Variants in ADCY2 observed in about 807,000 individuals in gnomAD.
ADCY2 encodes the protein adenylate cyclase type 2.
A neutral mutation model predicts 125.2 loss-of-function variants in ADCY2; 31 were observed. That is an observed-to-expected ratio of 0.25 (90% confidence interval 0.19 to 0.33). The LOEUF is 0.33. Ranked by LOEUF, ADCY2 falls within the 10% of genes least tolerant of loss-of-function variation. The probability of loss-of-function intolerance (pLI) is 1.00; values close to 1 mark genes in which losing one functional copy is unlikely to be tolerated. For synonymous variants in ADCY2, 512 were observed against 548.4 expected (o/e 0.93, Z 0.93); for missense variants, 904 against 1,418.2 (o/e 0.64, Z 5.82).
At chr5:7,743,121 T>C (rs1361850804) in intron 14 of ADCY2, among the ~76,000 whole-genome samples, 3 of 152,188 alleles carry the variant, frequency 2.0e-5, no homozygotes, top group Non-Finnish European at 2.9e-5. Flanking sequence ...TTTGAGTTCA[T>C]TGGCTCACTC....
intron 2 of ADCY2, among the ~76,000 whole-genome samples, chr5:7,459,418 G>A (rs1346182067): frequency 6.6e-6 from 1 of 152,186 alleles, no homozygotes; most frequent in East Asian, 1.9e-4. Flanking sequence ...TGAATGTAAG[G>A]TTTATTGTCT....
chr5:7,475,303 G>A (rs554175413), intron 2 of ADCY2, among the ~76,000 whole-genome samples: 14 of 152,300 alleles, frequency 9.2e-5, no homozygotes, highest in Admixed American at 5.2e-4. Flanking sequence ...CACTGTATCC[G>A]TGGTCTGGAG....
At chr5:7,756,424 G>A (rs1579396469) in intron 15 of ADCY2, among the ~76,000 whole-genome samples, 1 of 152,174 alleles carries the variant, frequency 6.6e-6, no homozygotes, top group East Asian at 1.9e-4. Flanking sequence ...GCCAAGAGGT[G>A]AAGCAACTCA....
intron 3 of ADCY2, among the ~76,000 whole-genome samples, chr5:7,533,636 G>A (rs1284462084): frequency 6.6e-6 from 1 of 151,994 alleles, no homozygotes; most frequent in Admixed American, 6.6e-5. Flanking sequence ...CTATGTGTCT[G>A]ATGAGCTCAT....
chr5:7,402,375 A>G (rs2111440806), intron 1 of ADCY2, among the ~76,000 whole-genome samples: 1 of 152,310 alleles, frequency 6.6e-6, no homozygotes, highest in South Asian at 2.1e-4. Context: ...GGAGAGGATG[A>G]AGAGAGGGTT....
At chr5:7,542,492 C>G (rs1284715698) in intron 3 of ADCY2, among the ~76,000 whole-genome samples, 1 of 152,132 alleles carries the variant, frequency 6.6e-6, no homozygotes, top group Non-Finnish European at 1.5e-5. Flanking sequence ...ATCCTGAGCT[C>G]TGTTCCAATT....
chr5:7,674,996 A>T (rs1459607425), intron 4 of ADCY2, among the ~76,000 whole-genome samples: 2 of 152,086 alleles, frequency 1.3e-5, no homozygotes, highest in Admixed American at 6.5e-5. Context: ...TCTACTAAAA[A>T]TACAAAAAAT....
intron 3 of ADCY2, among the ~76,000 whole-genome samples, chr5:7,566,533 A>G (rs1447653640): frequency 6.6e-6 from 1 of 152,086 alleles, no homozygotes; most frequent in Admixed American, 6.6e-5. Context: ...AAGGGACGCT[A>G]TTCTTATGAG....
rs867385167 is a variant in ADCY2, at chr5:7,712,872, A to G, written c.1595A>G (p.Gln532Arg). 1.2e-6 allele frequency: 2 copies of G among 1,609,736 alleles called. No individual in the cohort carries two copies. Among genetic ancestry groups the G allele is most frequent in the African/African-American group, 2.7e-5 (2 of 74,816 alleles). ...KISTTDVPMGQHNFQNRTLRT... is the reference protein window; with the variant it reads ...KISTTDVPMGRHNFQNRTLRT... ...TCAATATAGGATGTACCCATGGGTCAGCATAATTTTCAAAATCGCACCTTA... is the reference window on the plus strand; with the variant it reads ...TCAATATAGGATGTACCCATGGGTCGGCATAATTTTCAAAATCGCACCTTA... The change falls in exon 11 of 25, where the codon CAG becomes CGG. Residue 532 changes from glutamine (Q) to arginine (R), a missense_variant. By Grantham distance (43) the Gln-to-Arg change is conservative. Coordinates refer to ENST00000338316, the MANE Select transcript of ADCY2 (RefSeq NM_020546.3).
intron 2 of ADCY2, among the ~76,000 whole-genome samples, chr5:7,434,996 C>A (rs1482546706): frequency 6.6e-6 from 1 of 152,196 alleles, no homozygotes; most frequent in Non-Finnish European, 1.5e-5. Flanking sequence ...ACCAAAATAT[C>A]TTCTTTCTGG....
Position 7,727,218 on chromosome 5 carries a change from A to G in ADCY2, c.1828A>G (p.Ile610Val). ...FKYYVTCACL[I>V]FFCIFIVQIL... is the part of the protein sequence containing the mutation. ...GTATTATGTGACTTGTGCCTGTCTCATATTCTTCTGCATCTTCATTGTGCA... is the reference window on the plus strand; with the variant it reads ...GTATTATGTGACTTGTGCCTGTCTCGTATTCTTCTGCATCTTCATTGTGCA... The change falls in exon 14 of 25, where the codon ATA (isoleucine) becomes GTA (valine). Residue 610 changes from isoleucine to valine, a missense_variant. Physicochemically the swap from Ile to Val is conservative, Grantham distance 29. Coordinates refer to ENST00000338316, the MANE Select transcript of ADCY2 (RefSeq NM_020546.3). The G allele has an allele frequency of 6.2e-7, 1 of 1,614,134 alleles. No homozygotes were observed. Among genetic ancestry groups the G allele is most frequent in the Non-Finnish European group, 8.5e-7 (1 of 1,179,992 alleles).
chr5:7,410,494 AATGC>A (rs1394286473), intron 1 of ADCY2, among the ~76,000 whole-genome samples: 1 of 152,174 alleles, frequency 6.6e-6, no homozygotes, highest in Non-Finnish European at 1.5e-5. Context: ...ATTACCGGAA[AATGC>A]ATGGAAAATG....
At chr5:7,775,541 C>T (rs1337948810) in intron 18 of ADCY2, among the ~76,000 whole-genome samples, 3 of 151,644 alleles carry the variant, frequency 2.0e-5, no homozygotes, top group Non-Finnish European at 4.4e-5. Context: ...CAGGCAGCCG[C>T]CACCATGCCT....
chr5:7,765,591 A>G (rs1251894852), intron 16 of ADCY2, among the ~76,000 whole-genome samples: 1 of 152,216 alleles, frequency 6.6e-6, no homozygotes, highest in Non-Finnish European at 1.5e-5. Context: ...TAGACTAAGT[A>G]AATGTCTTCT....
intron 4 of ADCY2, among the ~76,000 whole-genome samples, chr5:7,628,297 C>A (rs565851397): frequency 1.5e-4 from 23 of 152,074 alleles, no homozygotes; most frequent in Non-Finnish European, 2.8e-4. Flanking sequence ...AGCACTAAAG[C>A]TACAGAGAAC....
chr5:7,751,065 A>G lies in ADCY2; in HGVS notation c.1957-6384A>G, dbSNP rs1195703557. 2.6e-5 allele frequency among the ~76,000 whole-genome samples: 4 copies of G among 151,470 alleles called. No homozygotes were observed. The South Asian group carries it at 8.4e-4, about 32-fold the overall frequency. On this transcript the variant is annotated intron_variant, in intron 15 of 24. Coordinates refer to ENST00000338316, the MANE Select transcript of ADCY2 (RefSeq NM_020546.3). ...ATCTTTCTGTGCTATTTTGTGGTTT[A>G]TTTCCTGAGATGTTTCATAGCCTCT...
chr5:7,409,870 G>A (rs1250686669), intron 1 of ADCY2, among the ~76,000 whole-genome samples: 1 of 152,076 alleles, frequency 6.6e-6, no homozygotes, highest in Non-Finnish European at 1.5e-5. Context: ...TTTTATAGAT[G>A]TTTAAAATTA....
At chr5:7,636,067 G>A (rs1820739) in intron 4 of ADCY2, among the ~76,000 whole-genome samples, 22,435 of 152,174 alleles carry the variant, frequency 0.15, 2,055 homozygotes, top group East Asian at 0.44. Context: ...TCTGACCTGT[G>A]TCTAGTTTAT....
At chr5:7,427,833 T>C (rs1740442640) in intron 2 of ADCY2, among the ~76,000 whole-genome samples, 1 of 152,220 alleles carries the variant, frequency 6.6e-6, no homozygotes, top group South Asian at 2.1e-4. Flanking sequence ...TTATTTCTAC[T>C]TTTCCATTTG....
Sources: gnomAD v4.1 joint callset for allele counts (sites outside exome capture counted in the v4.1 genomes callset) on GRCh38, gnomAD v4.1.1 for gene constraint, MANE v1.5 for transcripts, NCBI Gene and HGNC (gene_info 2026-07-23, HGNC 2026-07-21) for gene names.